KIF3B: variants seen among roughly 807,000 people sequenced by gnomAD.
KIF3B encodes the protein kinesin family member 3B.
In KIF3B, 38 loss-of-function variants were observed where a neutral mutation model predicts 74.3. That is an observed-to-expected ratio of 0.51 (90% CI 0.39 to 0.67). The LOEUF (loss-of-function observed/expected upper bound fraction) is 0.67. KIF3B is among the 30% of genes least tolerant of loss of function. KIF3B has a pLI of 0.00. For synonymous variants in KIF3B, 326 were observed against 342.5 expected (o/e 0.95, Z 0.53); for missense variants, 649 against 932.0 (o/e 0.70, Z 3.95).
intron 5 of KIF3B, 56 bp downstream of exon 5, chr20:32,316,930 G>T (rs1343535588): frequency 7.8e-7 from 1 of 1,284,166 alleles, no homozygotes; most frequent in Non-Finnish European, 1.1e-6. Flanking sequence ...CATTGATCTC[G>T]TTTGTTTAGT....
At chr20:32,327,230 T>C (rs535506909) in intron 6 of KIF3B, among the ~76,000 whole-genome samples, 1 of 152,242 alleles carries the variant, frequency 6.6e-6, no homozygotes, top group African/African-American at 2.4e-5. Flanking sequence ...TGACCCACAG[T>C]GTTGAGAAGG....
rs1457239661 is a variant in KIF3B at position 32,332,849 on chromosome 20, G to A, written c.*1530G>A. The A allele has an allele frequency of 6.5e-6, 1 of 152,684 alleles. No homozygotes were observed. Among genetic ancestry groups the A allele is most frequent in the Non-Finnish European group, 1.5e-5 (1 of 68,062 alleles). The allele number at this position is 152,684 out of a possible 1,614,324, so 9.5% of individuals were successfully genotyped here. On this transcript the variant is annotated 3_prime_UTR_variant, in exon 9 of 9. Transcript: ENST00000375712. The stretch of plus-strand genomic sequence containing the variant: ...AGGCTGGAAGCATTCCCATGTGGGT[G>A]TCTGAGTCCATGAGCCAAGCCTGAG...
intron 1 of KIF3B, among the ~76,000 whole-genome samples, chr20:32,284,827 A>G (rs2122654468): frequency 6.6e-6 from 1 of 152,346 alleles, no homozygotes; most frequent in South Asian, 2.1e-4. Flanking sequence ...GCTAAGATAC[A>G]TTAGCCAAGC....
At chr20:32,311,279 T>C (rs1388267268) in intron 2 of KIF3B, 98 bp downstream of exon 2, 12 of 1,310,922 alleles carry the variant, frequency 9.2e-6, no homozygotes, top group Non-Finnish European at 9.2e-6. Flanking sequence ...GGATGATGTC[T>C]CTCATCAGTT....
intron 1 of KIF3B, among the ~76,000 whole-genome samples, chr20:32,305,162 CAAAA>C (rs932512390): frequency 2.0e-5 from 3 of 150,824 alleles, no homozygotes; most frequent in Admixed American, 6.6e-5. Flanking sequence ...AACAAACAAA[CAAAA>C]AAAACCCAAA....
intron 1 of KIF3B, among the ~76,000 whole-genome samples, chr20:32,299,350 ATAACTTG>A (rs1258296365): frequency 7.9e-6 from 1 of 126,884 alleles, no homozygotes; most frequent in Non-Finnish European, 1.6e-5. Flanking sequence ...TTTATTCCTT[ATAACTTG>A]TAACTACTGA....
At chr20:32,313,482 A>G (rs2047812156) in intron 2 of KIF3B, among the ~76,000 whole-genome samples, 1 of 152,164 alleles carries the variant, frequency 6.6e-6, no homozygotes, top group Non-Finnish European at 1.5e-5. Context: ...GCTTCATAGT[A>G]GCCCTTTCAC....
intron 1 of KIF3B, among the ~76,000 whole-genome samples, chr20:32,282,876 G>A (rs2047650576): frequency 6.6e-6 from 1 of 152,162 alleles, no homozygotes; most frequent in South Asian, 2.1e-4. Flanking sequence ...ATTCCTAGAG[G>A]ATTCTTGAAT....
At chr20:32,286,958 G>C (rs2047669804) in intron 1 of KIF3B, among the ~76,000 whole-genome samples, 1 of 152,176 alleles carries the variant, frequency 6.6e-6, no homozygotes, top group South Asian at 2.1e-4. Context: ...ACATGGCAGT[G>C]TTAACCTAAA....
chr20:32,293,348 A>G (rs1451114123), intron 1 of KIF3B, among the ~76,000 whole-genome samples: 1 of 151,912 alleles, frequency 6.6e-6, no homozygotes, highest in Admixed American at 6.6e-5. Context: ...CTGTAATCCC[A>G]TACTTTGGGA....
chr20:32,319,646 C>T (rs1475157376), intron 5 of KIF3B, among the ~76,000 whole-genome samples: 4 of 131,940 alleles, frequency 3.0e-5, no homozygotes, highest in East Asian at 2.4e-4. Context: ...AATGCAATGG[C>T]GTGAACTTGA....
chr20:32,325,914 G>A (rs2047901892), intron 5 of KIF3B, among the ~76,000 whole-genome samples: 7 of 151,812 alleles, frequency 4.6e-5, no homozygotes, highest in African/African-American at 1.7e-4. Flanking sequence ...GCAATCCACT[G>A]GCTCGGCCTC....
chr20:32,311,450 A>AC, intron 2 of KIF3B, among the ~76,000 whole-genome samples: 2 of 6 alleles, frequency 0.33, 1 homozygote, highest in Admixed American at 1. Context: ...CTGTAATCCC[A>AC]GCACTTTGGG....
At chr20:32,301,746 T>C (rs2047745418) in intron 1 of KIF3B, among the ~76,000 whole-genome samples, 1 of 152,156 alleles carries the variant, frequency 6.6e-6, no homozygotes. Context: ...TTGTGACCTC[T>C]CTCTTACGCT....
intron 3 of KIF3B, 73 bp from the exon 4 acceptor site, chr20:32,316,454 T>C (rs2047827953): frequency 6.2e-7 from 1 of 1,600,638 alleles, no homozygotes; most frequent in Admixed American, 1.7e-5. Context: ...CTGGAGACTC[T>C]GATCCTAGCT....
chr20:32,319,451 C>T (rs77960444), intron 5 of KIF3B, among the ~76,000 whole-genome samples: 2,258 of 149,942 alleles, frequency 0.015, 44 homozygotes, highest in African/African-American at 0.051. Flanking sequence ...AATCCTTTAC[C>T]CCATTTTAAA....
chr20:32,286,101 A>G (rs868376004), intron 1 of KIF3B, among the ~76,000 whole-genome samples: 1 of 152,230 alleles, frequency 6.6e-6, no homozygotes, highest in South Asian at 2.1e-4. Context: ...CATTTGCAGC[A>G]CTTGCATTTT....
chr20:32,322,531 C>A (rs1388792085), intron 5 of KIF3B, among the ~76,000 whole-genome samples: 1 of 145,260 alleles, frequency 6.9e-6, no homozygotes, highest in Non-Finnish European at 1.5e-5. Context: ...TCGCTTGAAC[C>A]CTGGAGGCGG....
At chr20:32,314,347 C>T (rs577485391) in intron 2 of KIF3B, among the ~76,000 whole-genome samples, 37 of 152,224 alleles carry the variant, frequency 2.4e-4, no homozygotes, top group African/African-American at 8.2e-4. Flanking sequence ...CAAGGCCAGC[C>T]TGGCCAACAT....
Sources: gnomAD v4.1 joint callset for allele counts (sites outside exome capture counted in the v4.1 genomes callset) on GRCh38, gnomAD v4.1.1 for gene constraint, MANE v1.5 for transcripts, NCBI Gene and HGNC (gene_info 2026-07-23, HGNC 2026-07-21) for gene names.